Variants in STARD13 observed in about 807,000 individuals in gnomAD.
STARD13 encodes stAR-related lipid transfer protein 13.
In STARD13, 62 loss-of-function variants were observed where a neutral mutation model predicts 106.4. That is an observed-to-expected ratio of 0.58 (90% CI 0.48 to 0.72). STARD13 has a LOEUF of 0.72. STARD13 is among the 30% of genes least tolerant of loss of function. The pLI is 0.00. For synonymous variants in STARD13, 565 were observed against 553.0 expected (o/e 1.02, Z -0.31); for missense variants, 1,387 against 1,424.0 (o/e 0.97, Z 0.42).
At chr13:33,457,012 C>T in the STARD13 span, among the ~76,000 whole-genome samples, 2 of 152,160 alleles carry the variant, frequency 1.3e-5, no homozygotes, top group Non-Finnish European at 1.5e-5. Flanking sequence ...GAAGACTTGC[C>T]CCCAGGGCAA....
At chr13:33,584,244 G>T in the STARD13 span, among the ~76,000 whole-genome samples, 2 of 152,126 alleles carry the variant, frequency 1.3e-5, no homozygotes, top group Non-Finnish European at 2.9e-5. Context: ...AAGAAAAGAG[G>T]TTTAATTGGC....
chr13:33,226,249 G>T (rs4262829), intron 1 of STARD13, among the ~76,000 whole-genome samples: 1 of 152,120 alleles, frequency 6.6e-6, no homozygotes, highest in Non-Finnish European at 1.5e-5. Context: ...GCTCCAAGCA[G>T]TTTCTTCTTA....
At chr13:33,540,087 C>G in the STARD13 span, among the ~76,000 whole-genome samples, 5 of 152,186 alleles carry the variant, frequency 3.3e-5, no homozygotes. Flanking sequence ...ACCTGTCACC[C>G]TTTTAAACTA....
At chr13:33,162,957 G>A (rs1340571691) in intron 3 of STARD13, among the ~76,000 whole-genome samples, 4 of 152,042 alleles carry the variant, frequency 2.6e-5, no homozygotes, top group Non-Finnish European at 5.9e-5. Context: ...TTTTCACACT[G>A]CTGATAAAGA....
intron 1 of STARD13, among the ~76,000 whole-genome samples, chr13:33,309,021 T>C (rs749218196): frequency 9.2e-5 from 14 of 152,246 alleles, no homozygotes; most frequent in Non-Finnish European, 1.5e-4. Context: ...TCTCATAAAC[T>C]ACATTATTCT....
chr13:33,351,246 C>T (rs937979868), upstream of STARD13, among the ~76,000 whole-genome samples: 1 of 151,990 alleles, frequency 6.6e-6, no homozygotes, highest in Non-Finnish European at 1.5e-5. Context: ...AAGGAACCTA[C>T]CTAAAATAGA....
intron 1 of STARD13, chr13:33,279,450 AT>A (rs1215720678): frequency 6.6e-6 from 1 of 152,184 alleles, no homozygotes; most frequent in African/African-American, 2.4e-5. Flanking sequence ...ATGAATTTTT[AT>A]TTACTTAAGC....
At chr13:33,220,636 G>C in intron 1 of STARD13, among the ~76,000 whole-genome samples, 1 of 152,174 alleles carries the variant, frequency 6.6e-6, no homozygotes, top group African/African-American at 2.4e-5. Context: ...AGGTTGCAGT[G>C]AGCCAAGATT....
intron 1 of STARD13, among the ~76,000 whole-genome samples, chr13:33,221,914 G>A (rs1281041349): frequency 6.6e-6 from 1 of 152,180 alleles, no homozygotes; most frequent in Non-Finnish European, 1.5e-5. Flanking sequence ...ACTTTGGGGA[G>A]CCAAGGCAGA....
chr13:33,110,957 C>A, intron 10 of STARD13, 50 bp from the exon 11 acceptor site: 1 of 1,532,032 alleles, frequency 6.5e-7, no homozygotes, highest in East Asian at 2.3e-5. Flanking sequence ...AAAGAAACGC[C>A]GAGACTCAAA....
intron 1 of STARD13, among the ~76,000 whole-genome samples, chr13:33,201,460 T>C (rs960279500): frequency 5.3e-5 from 8 of 152,242 alleles, no homozygotes; most frequent in Admixed American, 5.2e-4. Context: ...AGTTATTCCA[T>C]GTAAAAAGAG....
chr13:33,341,844 C>T (rs796799906), intron 1 of STARD13, among the ~76,000 whole-genome samples: 6 of 151,582 alleles, frequency 4.0e-5, no homozygotes, highest in African/African-American at 1.5e-4. Context: ...GGCTGGAGTG[C>T]ACTGGTACAA....
chr13:33,385,860 A>C, the STARD13 span, among the ~76,000 whole-genome samples: 62 of 148,008 alleles, frequency 4.2e-4, no homozygotes, highest in Middle Eastern at 0.02. Context: ...CAAAAAAAAA[A>C]AAACAAAAAA....
the STARD13 span, among the ~76,000 whole-genome samples, chr13:33,608,583 A>T: frequency 6.6e-6 from 1 of 152,238 alleles, no homozygotes; most frequent in South Asian, 2.1e-4. Flanking sequence ...GGGAAACAAT[A>T]TGACAGGTAG....
intron 4 of STARD13, among the ~76,000 whole-genome samples, chr13:33,137,712 G>C (rs1239420017): frequency 6.6e-6 from 1 of 152,238 alleles, no homozygotes; most frequent in Non-Finnish European, 1.5e-5. Context: ...CCTGCAGTGA[G>C]TGAGTGGGAG....
intron 1 of STARD13, among the ~76,000 whole-genome samples, chr13:33,315,425 A>C (rs932532737): frequency 4.6e-5 from 7 of 152,228 alleles, no homozygotes; most frequent in African/African-American, 1.4e-4. Flanking sequence ...TGCATATACC[A>C]GACCTTACAT....
chr13:33,178,375 G>A (rs1884916502), intron 1 of STARD13, among the ~76,000 whole-genome samples: 1 of 152,242 alleles, frequency 6.6e-6, no homozygotes, highest in Middle Eastern at 3.4e-3. Flanking sequence ...TTCTTTGGAG[G>A]CTTTCATTCT....
the STARD13 span, among the ~76,000 whole-genome samples, chr13:33,616,016 T>C: frequency 6.6e-6 from 1 of 152,200 alleles, no homozygotes; most frequent in Admixed American, 6.5e-5. Context: ...ATTATTTATT[T>C]TGTGTTGTAT....
At chr13:33,511,932 T>A in the STARD13 span, among the ~76,000 whole-genome samples, 2 of 152,214 alleles carry the variant, frequency 1.3e-5, no homozygotes, top group Non-Finnish European at 2.9e-5. Context: ...AATGCTCTTT[T>A]CACAGCTCTT....
Sources: gnomAD v4.1 joint callset for allele counts (sites outside exome capture counted in the v4.1 genomes callset) on GRCh38, gnomAD v4.1.1 for gene constraint, MANE v1.5 for transcripts, NCBI Gene and HGNC (gene_info 2026-07-23, HGNC 2026-07-21) for gene names.